The following ASMTL variants were observed in gnomAD, a reference collection of about 807,000 sequenced individuals.
The protein encoded by ASMTL is probable bifunctional dTTP/UTP pyrophosphatase/methyltransferase protein.
A neutral mutation model predicts 60.3 loss-of-function variants in ASMTL; 57 were observed. That is an observed-to-expected ratio of 0.95 (90% confidence interval 0.76 to 1.18). The LOEUF (loss-of-function observed/expected upper bound fraction) is 1.18. ASMTL is among the 50% of genes most tolerant of loss of function. The probability of loss-of-function intolerance (pLI) is 0.00; values close to 1 mark genes in which losing one functional copy is unlikely to be tolerated. For missense variants in ASMTL, 981 were observed against 852.6 expected, an observed-to-expected ratio of 1.15 and a Z score of -1.88; for synonymous variants, 419 against 373.0, an observed-to-expected ratio of 1.12 and a Z score of -1.42.
rs188030112 is a variant in ASMTL, at chrX:1,423,853, C to T, written c.1060+1672G>A. 1.9e-4 allele frequency among the ~76,000 whole-genome samples: 29 copies of T among 149,172 alleles called. No homozygotes were observed. In the East Asian group the frequency reaches 2.5e-3, roughly 13 times the overall value. ...CCATCCACTCATCCATCCATTCACA[C>T]GCCCACCCATCCACATGCCCACTCA... On this transcript the variant is annotated intron_variant, in intron 8 of 12. Coordinates refer to ENST00000381317, the MANE Select transcript of ASMTL (RefSeq NM_004192.4).
At chrX:1,452,017 C>A (rs780795131) in intron 1 of ASMTL, among the ~76,000 whole-genome samples, 5 of 145,498 alleles carry the variant, frequency 3.4e-5, no homozygotes, top group Non-Finnish European at 6.0e-5. Context: ...ACAGGTTACT[C>A]TCTCCAACCC....
At chrX:1,416,730 AC>A (rs2090289263) in intron 11 of ASMTL, among the ~76,000 whole-genome samples, 1 of 19,220 alleles carries the variant, frequency 5.2e-5, no homozygotes, top group African/African-American at 6.5e-5. Flanking sequence ...ACAAGGACAT[AC>A]CACACACAGT....
intron 11 of ASMTL, among the ~76,000 whole-genome samples, chrX:1,416,100 CAG>C (rs2090241192): frequency 9.3e-5 from 14 of 150,432 alleles, no homozygotes; most frequent in Admixed American, 9.3e-4. Context: ...CACGGACACA[CAG>C]TGATACACCA....
At chrX:1,421,524 G>A (rs746520716) in intron 9 of ASMTL, 134 bp downstream of exon 9, 2 of 963,144 alleles carry the variant, frequency 2.1e-6, no homozygotes, top group African/African-American at 1.6e-5. Context: ...AAGTTCTCCA[G>A]GCAGAACGAG....
At chrX:1,412,549 G>T (rs28726233) in intron 12 of ASMTL, 183 bp downstream of exon 12, 69,399 of 233,364 alleles carry the variant, frequency 0.3, 10,695 homozygotes, top group South Asian at 0.48. Context: ...TTTTAGTAGC[G>T]ATGGGGTTTC....
chrX:1,439,835 CCAAAAAAAAAAA>C (rs1375149489), intron 2 of ASMTL, among the ~76,000 whole-genome samples: 1 of 129,068 alleles, frequency 7.7e-6, no homozygotes, highest in Non-Finnish European at 1.6e-5. Context: ...GACTCAGTCT[CCAAAAAAAAAAA>C]GAAAAAAAAA....
intron 2 of ASMTL, among the ~76,000 whole-genome samples, chrX:1,440,198 C>G (rs1377606578): frequency 6.6e-6 from 1 of 151,894 alleles, no homozygotes; most frequent in African/African-American, 2.4e-5. Flanking sequence ...GCCATTCTCC[C>G]GCCTCAGCCT....
In ASMTL at chrX:1,435,086, G is replaced by A. The variant is rs371341602; in HGVS notation, c.339-3C>T. ...CGCTGTGTTCTCTCCCACTCAACCT[G>A]TAAGACAACAACGGGTGACCACGTG... On this transcript the variant is annotated splice_polypyrimidine_tract_variant and splice_region_variant and intron_variant, in intron 4 of 12. Coordinates refer to ENST00000381317, the MANE Select transcript of ASMTL (RefSeq NM_004192.4). 151 of 1,613,858 alleles carry A rather than the reference G, an allele frequency of 9.4e-5. No individual in the cohort carries two copies. Among genetic ancestry groups the A allele is most frequent in the Non-Finnish European group, 1.2e-4 (137 of 1,179,840 alleles).
At chrX:1,410,924 G>T (rs775762897) in intron 12 of ASMTL, among the ~76,000 whole-genome samples, 2 of 151,322 alleles carry the variant, frequency 1.3e-5, no homozygotes, top group African/African-American at 2.4e-5. Context: ...GGTGGCTCAC[G>T]CCTGTAATCC....
At chrX:1,418,574 G>A (rs2090384136) in intron 10 of ASMTL, among the ~76,000 whole-genome samples, 1 of 152,080 alleles carries the variant, frequency 6.6e-6, no homozygotes. Flanking sequence ...TCAGAGGTTG[G>A]GGAAATGTAA....
In ASMTL at chrX:1,418,966, CG is replaced by C. The variant is rs201439409; in HGVS notation, c.1378+15del. 1.1e-5 allele frequency: 17 copies of C among 1,611,070 alleles called. No homozygotes were observed. The highest frequency in any genetic ancestry group is 2.2e-5 in the East Asian group (1 of 44,882). On this transcript the variant is annotated intron_variant, in intron 10 of 12. Coordinates refer to ENST00000381317, the MANE Select transcript of ASMTL (RefSeq NM_004192.4). Reference sequence around the variant, plus strand: ...TAAACGAAAGTAAGGAGAGCCCTGGCGGGGGGGCCACCCACCTCCCACGTCG... The same window carrying C: ...TAAACGAAAGTAAGGAGAGCCCTGGCGGGGGGCCACCCACCTCCCACGTCG...
At chrX:1,434,422 C>T (rs1478966781) in intron 5 of ASMTL, among the ~76,000 whole-genome samples, 7 of 148,430 alleles carry the variant, frequency 4.7e-5, no homozygotes, top group Admixed American at 6.8e-5. Context: ...CTCAGGAGGT[C>T]GAGGCTGCAG....
chrX:1,435,628 G>A (rs2090942401), intron 4 of ASMTL, 66 bp downstream of exon 4: 5 of 1,521,232 alleles, frequency 3.3e-6, no homozygotes, highest in Non-Finnish European at 4.6e-6. Context: ...AGGACACCCG[G>A]CCAGATACCA....
chrX:1,439,710 C>A (rs1267010337), intron 2 of ASMTL, among the ~76,000 whole-genome samples: 1 of 151,588 alleles, frequency 6.6e-6, no homozygotes, highest in African/African-American at 2.4e-5. Context: ...CAGTCGGGCA[C>A]CTGTAATCTC....
At chrX:1,422,441 A>G (rs1336467828) in intron 8 of ASMTL, among the ~76,000 whole-genome samples, 6 of 152,018 alleles carry the variant, frequency 3.9e-5, no homozygotes, top group African/African-American at 7.2e-5. Flanking sequence ...AGTCCTCAAG[A>G]TAAATCTCCT....
chrX:1,440,250 C>A (rs761888610), intron 2 of ASMTL, among the ~76,000 whole-genome samples: 1 of 152,198 alleles, frequency 6.6e-6, no homozygotes, highest in East Asian at 1.9e-4. Flanking sequence ...CCGCGCCCAG[C>A]CAATATTTTG....
chrX:1,444,334 G>A (rs1285310556), intron 1 of ASMTL, among the ~76,000 whole-genome samples: 1 of 151,300 alleles, frequency 6.6e-6, no homozygotes, highest in African/African-American at 2.4e-5. Flanking sequence ...TCAGTCTCCC[G>A]AGTAGCTGGG....
At chrX:1,443,296 G>C (rs1484318825) in intron 1 of ASMTL, among the ~76,000 whole-genome samples, 1 of 11,898 alleles carries the variant, frequency 8.4e-5, no homozygotes, top group Non-Finnish European at 5.4e-4. Flanking sequence ...GACACACACC[G>C]CCATCTTGGA....
chrX:1,410,478 G>A (rs1334162284), intron 12 of ASMTL, among the ~76,000 whole-genome samples: 10 of 151,762 alleles, frequency 6.6e-5, no homozygotes, highest in African/African-American at 1.5e-4. Context: ...GCAGTGGCGC[G>A]ATCTCTGCTC....
Sources: gnomAD v4.1 joint callset for allele counts (sites outside exome capture counted in the v4.1 genomes callset) on GRCh38, gnomAD v4.1.1 for gene constraint, MANE v1.5 for transcripts, NCBI Gene and HGNC (gene_info 2026-07-23, HGNC 2026-07-21) for gene names.